NOTCH2: variants seen among roughly 807,000 people sequenced by gnomAD.
NOTCH2 encodes the protein neurogenic locus notch homolog protein 2.
In NOTCH2, 29 loss-of-function variants were observed where a neutral mutation model predicts 235.8. That is an observed-to-expected ratio of 0.12 (90% CI 0.09 to 0.17). The LOEUF is 0.17. Among genes scored for constraint, NOTCH2 ranks in the 10% least tolerant of loss-of-function variants. The pLI, the probability that NOTCH2 is intolerant of heterozygous loss-of-function variation, is 1.00. For missense variants in NOTCH2, 2,285 were observed against 3,150.2 expected, an observed-to-expected ratio of 0.73 and a Z score of 6.57; for synonymous variants, 1,086 against 1,141.5, an observed-to-expected ratio of 0.95 and a Z score of 0.98.
intron 8 of NOTCH2, among the ~76,000 whole-genome samples, chr1:119,966,804 A>G (rs1273353414): frequency 6.6e-6 from 1 of 152,210 alleles, no homozygotes; most frequent in East Asian, 1.9e-4. Flanking sequence ...GGAAGGCCCA[A>G]AATGTCCCCA....
intron 1 of NOTCH2, among the ~76,000 whole-genome samples, chr1:120,048,445 C>CT (rs782527466): frequency 0.025 from 2,529 of 100,394 alleles, 125 homozygotes; most frequent in Non-Finnish European, 0.034. Context: ...CCCAATACCA[C>CT]TTTTTTTTTT....
intron 20 of NOTCH2, 38 bp from the exon 21 acceptor site, chr1:119,937,504 C>T: frequency 6.3e-7 from 1 of 1,576,580 alleles, no homozygotes; most frequent in Non-Finnish European, 8.7e-7. Context: ...CATAGAAGAA[C>T]ATGTGACACA....
intron 3 of NOTCH2, among the ~76,000 whole-genome samples, chr1:119,999,951 GAAA>G (rs1570732420): frequency 1.4e-4 from 18 of 126,464 alleles, no homozygotes; most frequent in African/African-American, 6.2e-4. Context: ...AAGAAAGAAA[GAAA>G]GAAAGAAAGA....
chr1:119,977,257 T>C (rs964045665), intron 5 of NOTCH2, among the ~76,000 whole-genome samples: 18 of 152,226 alleles, frequency 1.2e-4, no homozygotes, highest in African/African-American at 4.1e-4. Flanking sequence ...ACAGTATCTC[T>C]ATTCTGTTCC....
chr1:120,068,870 G>A (rs1553217605), intron 1 of NOTCH2: 2 of 647,334 alleles, frequency 3.1e-6, no homozygotes, highest in East Asian at 4.5e-5. Flanking sequence ...GCAAAGGCGA[G>A]GCTGGCTGCG....
intron 1 of NOTCH2, among the ~76,000 whole-genome samples, chr1:120,042,014 C>G (rs1486203888): frequency 6.9e-6 from 1 of 144,974 alleles, no homozygotes; most frequent in Non-Finnish European, 1.5e-5. Context: ...AGCGAGCGAG[C>G]GAACGAGCAG....
chr1:120,010,962 T>C (rs1336142519), intron 2 of NOTCH2, among the ~76,000 whole-genome samples: 4 of 152,198 alleles, frequency 2.6e-5, no homozygotes, highest in Admixed American at 1.3e-4. Flanking sequence ...TTCTGATACA[T>C]GCTACAACAT....
chr1:119,942,656 C>T lies in NOTCH2; in HGVS notation c.2753-902G>A, dbSNP rs1553196599. On this transcript the variant is annotated intron_variant, in intron 17 of 33. Coordinates refer to ENST00000256646, the MANE Select transcript of NOTCH2 (RefSeq NM_024408.4). ...AGCATCTTTCAGGAAACTCACCATC[C>T]ATAATTTACTGAATTATTTTAAACT... Among the ~76,000 whole-genome samples, 4 of 152,252 alleles carry T rather than the reference C, an allele frequency of 2.6e-5. No individual in the cohort carries two copies. In the South Asian group the frequency reaches 8.3e-4, roughly 32 times the overall value.
chr1:119,915,522 T>C lies in NOTCH2; in HGVS notation c.7200A>G (p.Arg2400=), dbSNP rs1386145569. Residue 2400 remains arginine (R), a synonymous_variant, in exon 34 of 34, where the codon CGA becomes CGG. Transcript: ENST00000256646. ...GGAGGTGACCACTGTGACTGGGTGT[T>C]CGCTCAGCAGCATTTGAGGAAGCAT... is the stretch of plus-strand genomic sequence containing the variant. ...HSYASSNAAE[R]TPSHSGHLQG... 1.9e-6 allele frequency: 3 copies of C among 1,614,114 alleles called. No homozygotes were observed. The highest frequency in any genetic ancestry group is 2.5e-6 in the Non-Finnish European group (3 of 1,180,026).
chr1:119,962,274 G>A (rs1650966327), intron 11 of NOTCH2, among the ~76,000 whole-genome samples: 1 of 152,170 alleles, frequency 6.6e-6, no homozygotes. Context: ...TGTTTATTAT[G>A]ATGGGAATGA....
intron 2 of NOTCH2, among the ~76,000 whole-genome samples, chr1:120,018,641 GATGCATAAGA>G (rs1381870652): frequency 1.3e-5 from 2 of 149,822 alleles, no homozygotes; most frequent in African/African-American, 4.9e-5. Flanking sequence ...GCCCCTCACA[GATGCATAAGA>G]AAGCAAAGAA....
At chr1:119,988,632 C>T (rs1652110617) in intron 4 of NOTCH2, among the ~76,000 whole-genome samples, 1 of 152,094 alleles carries the variant, frequency 6.6e-6, no homozygotes, top group Non-Finnish European at 1.5e-5. Context: ...AGGGTCTTTG[C>T]CCCTAGTCTG....
intron 2 of NOTCH2, among the ~76,000 whole-genome samples, chr1:120,017,242 C>G (rs1653479536): frequency 7.7e-6 from 1 of 130,374 alleles, no homozygotes; most frequent in Non-Finnish European, 1.6e-5. Context: ...CACTACTTCT[C>G]ACTTCCAGAC....
chr1:119,981,178 C>T (rs1651798214), intron 5 of NOTCH2, among the ~76,000 whole-genome samples: 1 of 139,402 alleles, frequency 7.2e-6, no homozygotes, highest in Non-Finnish European at 1.7e-5. Context: ...CCTTCTCTGT[C>T]AACAGTTCCC....
chr1:119,996,533 T>C, intron 4 of NOTCH2: 2 of 649,590 alleles, frequency 3.1e-6, no homozygotes. Flanking sequence ...TGGGTGCATT[T>C]AGGTGGATAA....
chr1:119,963,922 C>T (rs1651037622), intron 10 of NOTCH2, 115 bp from the exon 11 acceptor site: 3 of 905,598 alleles, frequency 3.3e-6, no homozygotes, highest in Non-Finnish European at 5.4e-6. Context: ...TCAATTAATA[C>T]TGCAGGTCTT....
At chr1:120,006,490 C>G (rs1411242964) in intron 2 of NOTCH2, among the ~76,000 whole-genome samples, 3 of 147,780 alleles carry the variant, frequency 2.0e-5, no homozygotes, top group Admixed American at 6.8e-5. Flanking sequence ...ACAATTTTCT[C>G]TGAACAATAT....
intron 4 of NOTCH2, 104 bp from the exon 5 acceptor site, chr1:119,987,186 T>C (rs782586238): frequency 3.6e-6 from 5 of 1,377,660 alleles, no homozygotes; most frequent in Non-Finnish European, 5.1e-6. Flanking sequence ...GCTTCATGAC[T>C]TCAGTTCAAC....
intron 3 of NOTCH2, among the ~76,000 whole-genome samples, chr1:120,001,265 C>T (rs1242755509): frequency 2.0e-5 from 3 of 151,934 alleles, no homozygotes; most frequent in African/African-American, 4.8e-5. Flanking sequence ...GGGGTTTTTG[C>T]CAGAGTGCCA....
Sources: gnomAD v4.1 joint callset for allele counts (sites outside exome capture counted in the v4.1 genomes callset) on GRCh38, gnomAD v4.1.1 for gene constraint, MANE v1.5 for transcripts, NCBI Gene and HGNC (gene_info 2026-07-23, HGNC 2026-07-21) for gene names.